Variants in WDR91 observed in about 807,000 individuals in gnomAD.
The protein encoded by WDR91 is WD repeat domain 91.
In WDR91, 52 loss-of-function variants were observed where a neutral mutation model predicts 88.4. The ratio of observed to expected loss-of-function variants is 0.59; its 90% CI spans 0.47 to 0.74. The LOEUF (loss-of-function observed/expected upper bound fraction) is 0.74. WDR91 is among the 30% of genes least tolerant of loss of function. The pLI is 0.00. For missense variants in WDR91, 824 were observed against 954.5 expected, an observed-to-expected ratio of 0.86 and a Z score of 1.80; for synonymous variants, 362 against 389.5, an observed-to-expected ratio of 0.93 and a Z score of 0.83.
chr7:135,209,345 A>C (rs1831928459), intron 2 of WDR91, among the ~76,000 whole-genome samples: 1 of 152,218 alleles, frequency 6.6e-6, no homozygotes, highest in African/African-American at 2.4e-5. Context: ...TTTTAAGCTT[A>C]CATGCTTAAC....
rs748578007 is a variant in WDR91 at position 135,193,562 on chromosome 7, G to A, written c.1490+16C>T. 7 of 1,613,804 alleles carry A rather than the reference G, an allele frequency of 4.3e-6. No individual in the cohort carries two copies. The highest frequency in any genetic ancestry group is 1.6e-4 in the Middle Eastern group (1 of 6,082). ...CAGCCTGCGGCCTTGATGGTGGGGGGTAGGTTCCAGTTCACCTGGGCATGT... is the reference window on the plus strand; with the variant it reads ...CAGCCTGCGGCCTTGATGGTGGGGGATAGGTTCCAGTTCACCTGGGCATGT... On this transcript the variant is annotated intron_variant, in intron 10 of 14. Coordinates refer to ENST00000354475, the MANE Select transcript of WDR91 (RefSeq NM_014149.4).
chr7:135,209,045 C>T lies in WDR91; in HGVS notation c.304-47G>A, dbSNP rs781224621. 8.3e-5 allele frequency: 130 copies of T among 1,566,756 alleles called. 4 individuals are homozygous for T. In the Admixed American group the frequency reaches 2.2e-3, roughly 26 times the overall value. On this transcript the variant is annotated intron_variant, in intron 2 of 14. Coordinates refer to ENST00000354475, the MANE Select transcript of WDR91 (RefSeq NM_014149.4). ...GCAAGGAGGGAGGAGAGACAGAAAT[C>T]CAGAGGTAAGACTCTTCATCATTGC...
rs1300887851 is a variant in WDR91 at position 135,194,929 on chromosome 7, C to A, written c.1395+5G>T. 6.2e-7 allele frequency: 1 copy of A among 1,613,798 alleles called. No individual in the cohort carries two copies. Among genetic ancestry groups the A allele is most frequent in the Admixed American group, 1.7e-5 (1 of 60,008 alleles). Reference sequence around the variant, plus strand: ...AAGCGGGCCCCACAGGCCACCATTACTCACCAGTCTGTCCCGTTTGGTGGC... The same window carrying A: ...AAGCGGGCCCCACAGGCCACCATTAATCACCAGTCTGTCCCGTTTGGTGGC... On this transcript the variant is annotated splice_donor_5th_base_variant and intron_variant, in intron 9 of 14. Transcript: ENST00000354475.
At chr7:135,211,357 C>G in intron 1 of WDR91, 23 bp downstream of exon 1, 1 of 1,598,142 alleles carries the variant, frequency 6.3e-7, no homozygotes, top group South Asian at 1.1e-5. Context: ...CCTCTGCCCG[C>G]GCCGCTCCCG....
chr7:135,194,521 G>A (rs532959792), intron 9 of WDR91, among the ~76,000 whole-genome samples: 3 of 152,298 alleles, frequency 2.0e-5, no homozygotes, highest in South Asian at 2.1e-4. Context: ...ACTATTCCTG[G>A]GGACAATAAG....
chr7:135,196,073 G>A lies in WDR91; in HGVS notation c.1244+71C>T. On this transcript the variant is annotated intron_variant, in intron 8 of 14. Coordinates refer to ENST00000354475, the MANE Select transcript of WDR91 (RefSeq NM_014149.4). This position sits in a 1 kb window ranked among gnomAD's most constrained non-coding sequence, Gnocchi z 4.2. ...CCCCATTCTCCGCCATCTCCTGCTGGCCACACCTCCACGTGTACTGCCTGA... is the reference window on the plus strand; with the variant it reads ...CCCCATTCTCCGCCATCTCCTGCTGACCACACCTCCACGTGTACTGCCTGA... 5.7e-6 allele frequency: 8 copies of A among 1,394,014 alleles called. No homozygotes were observed. Among genetic ancestry groups the A allele is most frequent in the Non-Finnish European group, 7.6e-6 (8 of 1,050,680 alleles). 86.4% of individuals were successfully genotyped at this position (1,394,014 alleles called of 1,614,324 possible). A position where few individuals can be genotyped will look rare whatever the true frequency, so the allele number is the denominator to read the frequency against.
At chr7:135,197,308 C>G (rs1015744799) in intron 7 of WDR91, 31 of 152,388 alleles carry the variant, frequency 2.0e-4, no homozygotes, top group African/African-American at 6.7e-4. Flanking sequence ...ACCTTTAAAA[C>G]AGGCAAATAG....
chr7:135,190,481 T>C (rs562772696), intron 11 of WDR91, among the ~76,000 whole-genome samples: 13 of 151,482 alleles, frequency 8.6e-5, no homozygotes, highest in Admixed American at 5.9e-4. Context: ...ATGATCACAA[T>C]TCATAAGAAA....
chr7:135,200,850 C>A lies in WDR91; in HGVS notation c.892-2699G>T, dbSNP rs193087358. 1.8e-3 allele frequency among the ~76,000 whole-genome samples: 278 copies of A among 152,264 alleles called. 1 individual carries two copies. The highest frequency in any genetic ancestry group is 6.8e-3 in the Middle Eastern group (2 of 294). On this transcript the variant is annotated intron_variant, in intron 6 of 14. Coordinates refer to ENST00000354475, the MANE Select transcript of WDR91 (RefSeq NM_014149.4). Reference sequence around the variant, plus strand: ...GAGTAGGTCATGAGGGATTCCAGAGCCTCACAGAGCTTACCAGGATGGCAG... The same window carrying A: ...GAGTAGGTCATGAGGGATTCCAGAGACTCACAGAGCTTACCAGGATGGCAG...
At chr7:135,187,209 C>T in intron 13 of WDR91, 40 bp from the exon 14 acceptor site, 1 of 1,606,888 alleles carries the variant, frequency 6.2e-7, no homozygotes, top group Non-Finnish European at 8.5e-7. Flanking sequence ...CGCAGCGGAG[C>T]TGGCCAATGC....
Position 135,187,108 on chromosome 7 carries a change from T to G in WDR91, c.1943A>C (p.Asp648Ala). The change falls in exon 14 of 15, where the codon GAT (aspartate) becomes GCT (alanine). Residue 648 changes from aspartate to alanine, a missense_variant. Coordinates refer to ENST00000354475, the MANE Select transcript of WDR91 (RefSeq NM_014149.4). Reference sequence around the variant, plus strand: ...AGACAGCACAAAGGGGCCCGTGGCATCTGAGGGGAGGCTGTACTCGGATAC... The same window carrying G: ...AGACAGCACAAAGGGGCCCGTGGCAGCTGAGGGGAGGCTGTACTCGGATAC... ...LKVSEYSLPSDATGPFVLSGY... is the reference protein window; with the variant it reads ...LKVSEYSLPSAATGPFVLSGY... The G allele has an allele frequency of 6.2e-7, 1 of 1,614,232 alleles. No homozygotes were observed. Among genetic ancestry groups the G allele is most frequent in the Non-Finnish European group, 8.5e-7 (1 of 1,180,052 alleles).
intron 12 of WDR91, 60 bp downstream of exon 12, chr7:135,189,283 CA>C (rs201637622): frequency 1.1e-4 from 167 of 1,517,220 alleles, no homozygotes; most frequent in Admixed American, 2.5e-4. Flanking sequence ...CCAACGTCGG[CA>C]AAAAAAATTG....
rs1830919472 is a variant in WDR91 at position 135,185,927 on chromosome 7, G to A, written c.*224C>T. On this transcript the variant is annotated 3_prime_UTR_variant, in exon 15 of 15. Transcript: ENST00000354475. ...TCCCATAGTCTCACATGTACTCCTG[G>A]CACAGCCACAATACCAGTCTCTGGG... is the stretch of plus-strand genomic sequence containing the variant. The A allele has an allele frequency of 3.9e-6, 2 of 511,230 alleles. No homozygotes were observed. Among genetic ancestry groups the A allele is most frequent in the Admixed American group, 4.2e-5 (1 of 23,976 alleles). The allele number at this position is 511,230 out of a possible 1,614,324, so 31.7% of individuals were successfully genotyped here. A position where few individuals can be genotyped will look rare whatever the true frequency, so the allele number is the denominator to read the frequency against.
chr7:135,198,128 C>T lies in WDR91; in HGVS notation c.915G>A (p.Thr305=), dbSNP rs145964799. ...GGCTCTTCCCATCCTTGGCTCCGGA[C>T]GTCGGGTCCTTTCCCTTGGTGCCCT... The part of the protein sequence containing the change: ...GGQGTKGKDP[T]SGAKDGKSLL... The change falls in exon 7 of 15, where the codon ACG becomes ACA. Residue 305 remains threonine (T), a synonymous_variant. Transcript: ENST00000354475. 58 of 1,613,424 alleles carry T rather than the reference C, an allele frequency of 3.6e-5. No individual in the cohort carries two copies. In the African/African-American group the frequency reaches 5.7e-4, roughly 16 times the overall value.
At chr7:135,186,423 G>A (rs1830945137) in intron 14 of WDR91, 108 bp from the exon 15 acceptor site, 3 of 1,179,180 alleles carry the variant, frequency 2.5e-6, no homozygotes, top group African/African-American at 1.6e-5. Flanking sequence ...AGACACACAT[G>A]CCCACCTTTC....
intron 14 of WDR91, among the ~76,000 whole-genome samples, 153 bp from the exon 15 acceptor site, chr7:135,186,468 G>T (rs1283311307): frequency 1.3e-5 from 2 of 152,206 alleles, no homozygotes; most frequent in African/African-American, 4.8e-5. Context: ...ACCAGGAAAT[G>T]CTTGCACTTT....
At position 135,209,136 on chromosome 7, in the gene WDR91, G is replaced by A. The variant is rs1371774950; in HGVS notation, c.304-138C>T. 3 of 646,662 alleles carry A rather than the reference G, an allele frequency of 4.6e-6. No homozygotes were observed. The African/African-American group carries it at 5.6e-5, about 12-fold the overall frequency. The allele number at this position is 646,662 out of a possible 1,614,324, so 40.1% of individuals were successfully genotyped here. On this transcript the variant is annotated intron_variant, in intron 2 of 14. Coordinates refer to ENST00000354475, the MANE Select transcript of WDR91 (RefSeq NM_014149.4). ...GCAAAATAAAATTCCATAATATAAA[G>A]GAAATCATCACTCTTTTCTCAAGGA...
At chr7:135,198,569 C>G (rs1167224098) in intron 6 of WDR91, 1 of 158,328 alleles carries the variant, frequency 6.3e-6, no homozygotes. Flanking sequence ...CAAGCAATCA[C>G]CTCTGGAGGG....
intron 14 of WDR91, 92 bp from the exon 15 acceptor site, chr7:135,186,407 G>A: frequency 7.3e-7 from 1 of 1,372,008 alleles, no homozygotes. Context: ...GGATGTGCCT[G>A]AGGCCAGACA....
Sources: allele counts gnomAD v4.1 joint callset (sites outside exome capture counted in the v4.1 genomes callset), GRCh38; gene constraint gnomAD v4.1.1; non-coding constraint Gnocchi (gnomAD v3.1); transcripts MANE v1.5; gene names NCBI Gene and HGNC (gene_info 2026-07-23, HGNC 2026-07-21).